ARHGAP42: variants seen among roughly 807,000 people sequenced by gnomAD.
ARHGAP42 encodes rho GTPase-activating protein 42.
In ARHGAP42, 63 loss-of-function variants were observed where a neutral mutation model predicts 125.0. The ratio of observed to expected loss-of-function variants is 0.50; its 90% CI spans 0.41 to 0.62. The LOEUF is 0.62. Among genes scored for constraint, ARHGAP42 ranks in the 20% least tolerant of loss-of-function variants. ARHGAP42 has a pLI of 0.00. For synonymous variants in ARHGAP42, 339 were observed against 351.0 expected (o/e 0.97, Z 0.38); for missense variants, 766 against 1,024.2 (o/e 0.75, Z 3.44).
intron 4 of ARHGAP42, among the ~76,000 whole-genome samples, chr11:100,869,117 A>G (rs1408349294): frequency 6.6e-6 from 1 of 152,044 alleles, no homozygotes; most frequent in African/African-American, 2.4e-5. Flanking sequence ...TGGTTTTTGA[A>G]TATTGATAAA....
intron 12 of ARHGAP42, among the ~76,000 whole-genome samples, chr11:100,955,564 C>T (rs1028284488): frequency 4.6e-5 from 7 of 152,032 alleles, no homozygotes; most frequent in African/African-American, 1.4e-4. Context: ...ACTAGCAAGC[C>T]ATCAATCAAT....
intron 1 of ARHGAP42, among the ~76,000 whole-genome samples, chr11:100,765,723 T>C (rs1257048992): frequency 6.6e-6 from 1 of 152,190 alleles, no homozygotes; most frequent in Non-Finnish European, 1.5e-5. Flanking sequence ...CATTGCTTTA[T>C]TATGTCTGCC....
chr11:100,724,260 A>G (rs1861815855), intron 1 of ARHGAP42, among the ~76,000 whole-genome samples: 1 of 151,900 alleles, frequency 6.6e-6, no homozygotes, highest in Non-Finnish European at 1.5e-5. Context: ...TGTTCGTGGG[A>G]GATATTGGTC....
At chr11:100,796,832 C>T (rs1271436291) in intron 3 of ARHGAP42, among the ~76,000 whole-genome samples, 5 of 147,526 alleles carry the variant, frequency 3.4e-5, no homozygotes, top group East Asian at 4.0e-4. Flanking sequence ...TGCAGTGGCG[C>T]GATCTTTGCT....
chr11:100,828,712 G>A (rs1864590143), intron 3 of ARHGAP42, among the ~76,000 whole-genome samples: 1 of 150,370 alleles, frequency 6.7e-6, no homozygotes. Flanking sequence ...TTTGGAGACA[G>A]GGTCTTGCTC....
intron 2 of ARHGAP42, among the ~76,000 whole-genome samples, chr11:100,775,850 C>G (rs1758743131): frequency 6.6e-6 from 1 of 152,138 alleles, no homozygotes; most frequent in Non-Finnish European, 1.5e-5. Context: ...GAGAAGACCT[C>G]TAGGTTTTAA....
intron 2 of ARHGAP42, among the ~76,000 whole-genome samples, chr11:100,770,898 T>C (rs1862960154): frequency 6.6e-6 from 1 of 152,184 alleles, no homozygotes; most frequent in African/African-American, 2.4e-5. Flanking sequence ...TATTATAAAT[T>C]GTTTTTAAAT....
chr11:100,771,981 C>A (rs1238701700), intron 2 of ARHGAP42, among the ~76,000 whole-genome samples: 2 of 152,172 alleles, frequency 1.3e-5, no homozygotes, highest in African/African-American at 4.8e-5. Flanking sequence ...CACTGCTAGT[C>A]CATGGACCAC....
chr11:100,741,695 C>CAGTTACTTAGATACTGCCTATAA (rs1862190110), intron 1 of ARHGAP42, among the ~76,000 whole-genome samples: 1 of 152,196 alleles, frequency 6.6e-6, no homozygotes, highest in Admixed American at 6.5e-5. Flanking sequence ...GCCTATAAAG[C>CAGTTACTTAGATACTGCCTATAA]AGATTTCTCT....
At chr11:100,818,001 T>C (rs1864309764) in intron 3 of ARHGAP42, among the ~76,000 whole-genome samples, 1 of 152,126 alleles carries the variant, frequency 6.6e-6, no homozygotes, top group African/African-American at 2.4e-5. Context: ...TGTGAAACAG[T>C]AGTTTTGTAA....
At chr11:100,726,251 A>G (rs1225830160) in intron 1 of ARHGAP42, among the ~76,000 whole-genome samples, 1 of 152,216 alleles carries the variant, frequency 6.6e-6, no homozygotes, top group Non-Finnish European at 1.5e-5. Flanking sequence ...AGTAATCCCC[A>G]AGTCTAAAGC....
intron 4 of ARHGAP42, among the ~76,000 whole-genome samples, chr11:100,871,558 A>G (rs1041800660): frequency 1.3e-5 from 2 of 151,348 alleles, no homozygotes; most frequent in South Asian, 2.1e-4. Flanking sequence ...AAAAAAAAAA[A>G]AAAGAAAAAA....
chr11:100,854,503 A>G (rs1865280984), intron 3 of ARHGAP42, among the ~76,000 whole-genome samples: 1 of 152,124 alleles, frequency 6.6e-6, no homozygotes, highest in African/African-American at 2.4e-5. Context: ...AGATGACAAT[A>G]TGTTTTTTTC....
chr11:100,787,741 G>A (rs187631195), intron 2 of ARHGAP42, among the ~76,000 whole-genome samples: 2 of 152,264 alleles, frequency 1.3e-5, no homozygotes, highest in Admixed American at 1.3e-4. Context: ...TTTAAAAGGA[G>A]GCTAGACTAT....
intron 4 of ARHGAP42, among the ~76,000 whole-genome samples, chr11:100,913,236 A>G (rs1240251968): frequency 6.6e-6 from 1 of 152,114 alleles, no homozygotes; most frequent in East Asian, 1.9e-4. Context: ...TGGATTTCTC[A>G]CCGCAAGATG....
intron 4 of ARHGAP42, among the ~76,000 whole-genome samples, chr11:100,909,959 G>C (rs1238252592): frequency 3.3e-5 from 5 of 152,152 alleles, no homozygotes; most frequent in Non-Finnish European, 7.4e-5. Flanking sequence ...CTTGGAGTTT[G>C]TGTTACAGTA....
At chr11:100,936,490 C>T (rs951379523) in intron 8 of ARHGAP42, among the ~76,000 whole-genome samples, 158 bp downstream of exon 8, 3 of 152,122 alleles carry the variant, frequency 2.0e-5, no homozygotes, top group Non-Finnish European at 2.9e-5. Flanking sequence ...GACGTTTTTC[C>T]GCATTTTGCC....
intron 1 of ARHGAP42, among the ~76,000 whole-genome samples, chr11:100,706,567 C>T (rs1158207059): frequency 6.6e-6 from 1 of 152,154 alleles, no homozygotes; most frequent in African/African-American, 2.4e-5. Context: ...AATTAATTTT[C>T]TCTTCAGCAA....
At chr11:100,711,497 G>A (rs6590812) in intron 1 of ARHGAP42, among the ~76,000 whole-genome samples, 83,014 of 151,962 alleles carry the variant, frequency 0.55, 23,418 homozygotes, top group African/African-American at 0.71. Context: ...TGGGACTACA[G>A]GTGCACACTA....
Sources: allele counts gnomAD v4.1 joint callset (sites outside exome capture counted in the v4.1 genomes callset), GRCh38; gene constraint gnomAD v4.1.1; transcripts MANE v1.5; gene names NCBI Gene and HGNC (gene_info 2026-07-23, HGNC 2026-07-21).